Variants in P4HA3 observed in about 807,000 individuals in gnomAD.
P4HA3 encodes prolyl 4-hydroxylase subunit alpha-3.
A neutral mutation model predicts 66.7 loss-of-function variants in P4HA3; 60 were observed. The observed-to-expected ratio is 0.90, with a 90% CI of 0.73 to 1.12. The LOEUF (loss-of-function observed/expected upper bound fraction) is 1.12, where lower values mean the gene tolerates loss of function less well. Among genes scored for constraint, P4HA3 ranks in the 50% most tolerant of loss-of-function variants. The probability of loss-of-function intolerance (pLI) is 0.00; values close to 1 mark genes in which losing one functional copy is unlikely to be tolerated. For missense variants in P4HA3, 683 were observed against 685.8 expected (o/e 1.00, Z 0.05); for synonymous variants, 263 against 274.6 (o/e 0.96, Z 0.42).
chr11:74,298,117 C>T, intron 4 of P4HA3, 95 bp downstream of exon 4: 1 of 1,450,434 alleles, frequency 6.9e-7, no homozygotes, highest in Admixed American at 2.2e-5. Flanking sequence ...GAAGATGAAA[C>T]AGATGAAGAC....
chr11:74,296,314 G>T (rs1251785937), intron 4 of P4HA3, among the ~76,000 whole-genome samples: 1 of 152,062 alleles, frequency 6.6e-6, no homozygotes, highest in Admixed American at 6.5e-5. Context: ...AGAGCCCATA[G>T]CTTAACCACT....
chr11:74,305,181 T>C (rs1861543359), intron 1 of P4HA3, among the ~76,000 whole-genome samples: 1 of 151,978 alleles, frequency 6.6e-6, no homozygotes, highest in Non-Finnish European at 1.5e-5. Flanking sequence ...GAAGTGAGCA[T>C]ATAATGCTGC....
In P4HA3 at chr11:74,266,906, CA is replaced by C; in HGVS notation, c.*341del. Reference sequence around the variant, plus strand: ...CTTCTTGGTCCCTGTGGTCAAGGTTCAAAGTGCCAAAAGACCCACTGATCGA... The same window carrying C: ...CTTCTTGGTCCCTGTGGTCAAGGTTCAAGTGCCAAAAGACCCACTGATCGA... On this transcript the variant is annotated 3_prime_UTR_variant, in exon 13 of 13. Transcript: ENST00000331597. The C allele has an allele frequency of 9.0e-7, 1 of 1,106,140 alleles. No individual in the cohort carries two copies. Among genetic ancestry groups the C allele is most frequent in the Non-Finnish European group, 1.2e-6 (1 of 800,496 alleles). The allele number at this position is 1,106,140 out of a possible 1,614,324, so 68.5% of individuals were successfully genotyped here. A position where few individuals can be genotyped will look rare whatever the true frequency, so the allele number is the denominator to read the frequency against.
At chr11:74,280,323 T>TAAA (rs917037170) in intron 7 of P4HA3, among the ~76,000 whole-genome samples, 12 of 149,514 alleles carry the variant, frequency 8.0e-5, no homozygotes, top group Non-Finnish European at 1.8e-4. Context: ...CTGGCTAATT[T>TAAA]AAAAAAAAAA....
chr11:74,254,491 A>G (rs1373362036), intron 15 of P4HA3: 1 of 152,724 alleles, frequency 6.5e-6, no homozygotes, highest in Non-Finnish European at 1.5e-5. Context: ...GCCTGTCCCT[A>G]TTGCCCAGGC....
In P4HA3 at chr11:74,266,785, A is replaced by T. The variant is rs558344580; in HGVS notation, c.*463T>A. The T allele has an allele frequency of 1.1e-5, 5 of 451,094 alleles. No homozygotes were observed. In the Admixed American group the frequency reaches 1.6e-4, roughly 14 times the overall value. 27.9% of individuals were successfully genotyped at this position (451,094 alleles called of 1,614,324 possible). On this transcript the variant is annotated 3_prime_UTR_variant, in exon 13 of 13. Coordinates refer to ENST00000331597, the MANE Select transcript of P4HA3 (RefSeq NM_182904.5). Reference sequence around the variant, plus strand: ...TCTGGGATATGCTTCTGGGAGGGGGACACTCCCTGCTTGGGCTGCAGCAGA... The same window carrying T: ...TCTGGGATATGCTTCTGGGAGGGGGTCACTCCCTGCTTGGGCTGCAGCAGA...
intron 10 of P4HA3, among the ~76,000 whole-genome samples, chr11:74,271,279 T>C (rs748116141): frequency 3.3e-5 from 5 of 152,224 alleles, no homozygotes; most frequent in Non-Finnish European, 5.9e-5. Context: ...AATTGGCTCC[T>C]TGTGTTCAGG....
In P4HA3 at chr11:74,304,287, G is replaced by T; in HGVS notation, c.326C>A (p.Ala109Asp). 1 of 1,613,648 alleles carries T rather than the reference G, an allele frequency of 6.2e-7. No individual in the cohort carries two copies. Among genetic ancestry groups the T allele is most frequent in the Non-Finnish European group, 8.5e-7 (1 of 1,179,832 alleles). The change falls in exon 2 of 13, where the codon GCC becomes GAC. Residue 109 changes from alanine (A) to aspartate (D), a missense_variant. Transcript: ENST00000331597. Reference protein sequence around the residue: ...DWRNVVHSLEASENIRALKDG... With the variant: ...DWRNVVHSLEDSENIRALKDG... ...CTCATTACCTCGGATGTTCTCACTG[G>T]CCTCCAGACTATGTACCACATTCCT...
intron 4 of P4HA3, among the ~76,000 whole-genome samples, chr11:74,297,231 G>A (rs563621216): frequency 1.3e-5 from 2 of 152,272 alleles, no homozygotes; most frequent in Admixed American, 1.3e-4. Flanking sequence ...TGGGATTACA[G>A]GCGTGAGCCA....
At chr11:74,253,534 A>T (rs1427312442) in intron 15 of P4HA3, 1 of 1,596,320 alleles carries the variant, frequency 6.3e-7, no homozygotes, top group Non-Finnish European at 8.6e-7. Context: ...ACCCCTCCTC[A>T]ACATCGAGCT....
At chr11:74,259,590 A>G (rs1311226991) in intron 15 of P4HA3, among the ~76,000 whole-genome samples, 1 of 152,174 alleles carries the variant, frequency 6.6e-6, no homozygotes, top group East Asian at 1.9e-4. Context: ...GTACCCATTA[A>G]GCAATAACTC....
downstream of P4HA3, among the ~76,000 whole-genome samples, chr11:74,262,846 G>A (rs7930356): frequency 0.78 from 118,328 of 152,150 alleles, 46,530 homozygotes; most frequent in African/African-American, 0.9. Flanking sequence ...TTCCATGAAA[G>A]GGCAGTTTGT....
chr11:74,250,296 T>A (rs1859622165), intron 15 of P4HA3: 1 of 152,234 alleles, frequency 6.6e-6, no homozygotes, highest in South Asian at 2.1e-4. Flanking sequence ...TCAATCATTG[T>A]CGCATTAGTT....
intron 15 of P4HA3, chr11:74,251,059 G>GA: frequency 6.4e-7 from 1 of 1,561,654 alleles, no homozygotes. Context: ...ACAACTGTGA[G>GA]AATAACCCTG....
At chr11:74,259,547 C>T (rs1859876962) in intron 15 of P4HA3, among the ~76,000 whole-genome samples, 1 of 152,072 alleles carries the variant, frequency 6.6e-6, no homozygotes, top group East Asian at 1.9e-4. Flanking sequence ...CTATCTATAC[C>T]CCAACTTTTT....
chr11:74,263,176 C>T (rs1859936175), downstream of P4HA3, among the ~76,000 whole-genome samples: 1 of 152,258 alleles, frequency 6.6e-6, no homozygotes, highest in Non-Finnish European at 1.5e-5. Flanking sequence ...CCCGCTCTGC[C>T]TTAAGGGCAG....
Position 74,302,534 on chromosome 11 carries a change from C to G in P4HA3, c.402G>C (p.Glu134Asp). The G allele has an allele frequency of 6.2e-7, 1 of 1,614,224 alleles. No homozygotes were observed. Reference protein sequence around the residue: ...EQDLPAFEDLEGAARALMRLQ... With the variant: ...EQDLPAFEDLDGAARALMRLQ... Reference sequence around the variant, plus strand: ...GCCGCATCAGGGCCCTTGCTGCTCCCTCAAGGTCCTCAAAGGCTGGAAGGT... The same window carrying G: ...GCCGCATCAGGGCCCTTGCTGCTCCGTCAAGGTCCTCAAAGGCTGGAAGGT... Residue 134 changes from glutamate (E) to aspartate (D), a missense_variant, in exon 3 of 13, where the codon GAG (glutamate) becomes GAC (aspartate). Transcript: ENST00000331597.
chr11:74,253,614 T>G, intron 15 of P4HA3: 1 of 1,280,262 alleles, frequency 7.8e-7, no homozygotes. Context: ...CCCAGCCATG[T>G]GACACTGGCT....
chr11:74,279,222 A>G (rs1023234161), intron 8 of P4HA3, among the ~76,000 whole-genome samples, 166 bp downstream of exon 8: 1 of 152,162 alleles, frequency 6.6e-6, no homozygotes, highest in Admixed American at 6.5e-5. Flanking sequence ...CAACCTGGGA[A>G]AGGGGAGTGG....
Sources: allele counts gnomAD v4.1 joint callset (sites outside exome capture counted in the v4.1 genomes callset), GRCh38; gene constraint gnomAD v4.1.1; transcripts MANE v1.5; gene names NCBI Gene and HGNC (gene_info 2026-07-23, HGNC 2026-07-21).